ARAP2: variants seen among roughly 807,000 people sequenced by gnomAD.
ARAP2 encodes arf-GAP with Rho-GAP domain, ANK repeat and PH domain-containing protein 2.
Under a neutral mutation model 194.5 loss-of-function variants are expected in ARAP2, and 148 were observed. That is an observed-to-expected ratio of 0.76 (90% CI 0.67 to 0.87). The LOEUF is 0.87. Among genes scored for constraint, ARAP2 ranks in the 40% least tolerant of loss-of-function variants. ARAP2 has a pLI of 0.00. For missense variants in ARAP2, 2,128 were observed against 1,989.7 expected, an observed-to-expected ratio of 1.07 and a Z score of -1.32; for synonymous variants, 695 against 683.5, an observed-to-expected ratio of 1.02 and a Z score of -0.26.
chr4:36,185,939 T>C (rs754033857), intron 8 of ARAP2, among the ~76,000 whole-genome samples: 1 of 151,460 alleles, frequency 6.6e-6, no homozygotes, highest in African/African-American at 2.4e-5. Flanking sequence ...GATTGCGCCA[T>C]TGCACTCAAG....
At chr4:36,043,831 G>GGGAAGGCAAGGGAACGGAAGGGA (rs1560311515) in intron 5 of ARAP2, among the ~76,000 whole-genome samples, 1 of 14,024 alleles carries the variant, frequency 7.1e-5, no homozygotes, top group African/African-American at 2.2e-4. Flanking sequence ...AAGGGAAGGG[G>GGGAAGGCAAGGGAACGGAAGGGA]AGGGGAGGGG....
At chr4:36,140,526 G>C (rs1251836825) in intron 19 of ARAP2, among the ~76,000 whole-genome samples, 1 of 151,682 alleles carries the variant, frequency 6.6e-6, no homozygotes, top group East Asian at 1.9e-4. Context: ...AAGCAGTCAA[G>C]CTTATATTGT....
At chr4:36,158,198 T>C (rs1733032888) in intron 15 of ARAP2, among the ~76,000 whole-genome samples, 1 of 152,164 alleles carries the variant, frequency 6.6e-6, no homozygotes, top group Non-Finnish European at 1.5e-5. Context: ...TCTGCTCAGA[T>C]AATTCCCCAA....
intron 19 of ARAP2, among the ~76,000 whole-genome samples, chr4:36,146,560 C>T (rs921515665): frequency 2.6e-5 from 4 of 151,970 alleles, no homozygotes; most frequent in African/African-American, 9.7e-5. Context: ...TTTTCAAATA[C>T]CCTTGGCCCT....
chr4:36,157,891 A>G (rs1373694493), intron 15 of ARAP2, among the ~76,000 whole-genome samples: 1 of 152,152 alleles, frequency 6.6e-6, no homozygotes, highest in Non-Finnish European at 1.5e-5. Flanking sequence ...TGAGTTTGTC[A>G]TCCTATCATT....
At chr4:36,102,139 A>C (rs758799735) in intron 27 of ARAP2, among the ~76,000 whole-genome samples, 6 of 151,930 alleles carry the variant, frequency 3.9e-5, no homozygotes, top group Non-Finnish European at 8.8e-5. Context: ...CTTTCCACAC[A>C]ATGAGCTCTT....
intron 4 of ARAP2, 110 bp downstream of exon 4, chr4:36,213,133 C>A: frequency 1.2e-6 from 1 of 863,810 alleles, no homozygotes; most frequent in Non-Finnish European, 1.8e-6. Context: ...AAATTTCAAT[C>A]TTCAATATAA....
chr4:36,226,636 A>G (rs951162586), intron 2 of ARAP2, among the ~76,000 whole-genome samples: 1 of 152,226 alleles, frequency 6.6e-6, no homozygotes, highest in African/African-American at 2.4e-5. Flanking sequence ...TGTGGCACAT[A>G]AAACTCATAT....
In ARAP2 at chr4:36,184,296, C is replaced by T. The variant is rs201774373; in HGVS notation, c.1678+3155G>A. On this transcript the variant is annotated intron_variant, in intron 8 of 32. Coordinates refer to ENST00000303965, the MANE Select transcript of ARAP2 (RefSeq NM_015230.4). ...ATAAACATATATATATATATATATACGTACACACACCTCTACACCCACTTA... is the reference window on the plus strand; with the variant it reads ...ATAAACATATATATATATATATATATGTACACACACCTCTACACCCACTTA... Among the ~76,000 whole-genome samples the T allele has an allele frequency of 5.6e-5, 8 of 142,318 alleles. No homozygotes were observed. The East Asian group carries it at 6.7e-4, about 12-fold the overall frequency. The allele number at this position is 142,318 out of a possible 152,430, so 93.4% of individuals were successfully genotyped here.
At chr4:36,034,360 T>A (rs1471517797) in intron 5 of ARAP2, among the ~76,000 whole-genome samples, 1 of 152,172 alleles carries the variant, frequency 6.6e-6, no homozygotes, top group Non-Finnish European at 1.5e-5. Flanking sequence ...ATCTCCCACT[T>A]CCTTGGTTAC....
At chr4:36,018,731 A>C (rs1374363133) in intron 6 of ARAP2, among the ~76,000 whole-genome samples, 1 of 152,220 alleles carries the variant, frequency 6.6e-6, no homozygotes, top group African/African-American at 2.4e-5. Flanking sequence ...CATATTTATC[A>C]ATCTCCTGTG....
Position 36,209,779 on chromosome 4 carries a change from C to T in ARAP2, c.1487+611G>A, listed in dbSNP as rs1274945045. On this transcript the variant is annotated intron_variant, in intron 6 of 32. Coordinates refer to ENST00000303965, the MANE Select transcript of ARAP2 (RefSeq NM_015230.4). ...TAAACAATTCTAATTAAATATAATCCTTCCCTAAAGATTTCTCAGTACTGT... is the reference window on the plus strand; with the variant it reads ...TAAACAATTCTAATTAAATATAATCTTTCCCTAAAGATTTCTCAGTACTGT... 2.6e-5 allele frequency among the ~76,000 whole-genome samples: 4 copies of T among 152,220 alleles called. No homozygotes were observed. The East Asian group carries it at 5.8e-4, about 22-fold the overall frequency.
chr4:36,018,682 T>C (rs1181908260), intron 6 of ARAP2, among the ~76,000 whole-genome samples: 2 of 152,162 alleles, frequency 1.3e-5, no homozygotes, highest in Non-Finnish European at 2.9e-5. Context: ...TCCATCTAAA[T>C]AGAACATTAG....
intron 9 of ARAP2, among the ~76,000 whole-genome samples, chr4:36,008,322 T>C (rs1713745154): frequency 6.6e-6 from 1 of 152,062 alleles, no homozygotes; most frequent in African/African-American, 2.4e-5. Context: ...CAAAACAGCA[T>C]GGTACTAGTA....
At chr4:36,243,802 C>A (rs1294379940) in intron 1 of ARAP2, 1 of 152,126 alleles carries the variant, frequency 6.6e-6, no homozygotes, top group African/African-American at 2.4e-5. Context: ...AAGCAGGGTG[C>A]GGGGCAGCAC....
At chr4:36,134,547 G>A (rs1363858148) in intron 19 of ARAP2, among the ~76,000 whole-genome samples, 20 of 151,582 alleles carry the variant, frequency 1.3e-4, no homozygotes, top group Admixed American at 1.3e-3. Flanking sequence ...CCCCTGTAAT[G>A]TCTACTCCTC....
At chr4:36,096,693 C>T (rs934598875) in intron 27 of ARAP2, among the ~76,000 whole-genome samples, 4 of 152,084 alleles carry the variant, frequency 2.6e-5, no homozygotes, top group Non-Finnish European at 5.9e-5. Flanking sequence ...CTAATAGATT[C>T]TTTTTAGGTA....
chr4:36,214,248 T>C (rs1032114034), intron 3 of ARAP2, among the ~76,000 whole-genome samples, 174 bp downstream of exon 3: 1 of 152,204 alleles, frequency 6.6e-6, no homozygotes, highest in African/African-American at 2.4e-5. Flanking sequence ...GTGTATGTTA[T>C]TGCCTTTTAT....
chr4:36,014,295 A>AAGAAAGAAGAGAAGAGAAG (rs1553861836), intron 8 of ARAP2, among the ~76,000 whole-genome samples: 1 of 143,250 alleles, frequency 7.0e-6, no homozygotes, highest in African/African-American at 2.7e-5. Context: ...GAAAGAAAGA[A>AAGAAAGAAGAGAAGAGAAG]AGAAGAGAAG....
Sources: gnomAD v4.1 joint callset for allele counts (sites outside exome capture counted in the v4.1 genomes callset) on GRCh38, gnomAD v4.1.1 for gene constraint, MANE v1.5 for transcripts, NCBI Gene and HGNC (gene_info 2026-07-23, HGNC 2026-07-21) for gene names.